CERKL: variants seen among roughly 807,000 people sequenced by gnomAD.
CERKL encodes ceramide kinase-like protein.
In CERKL, 61 loss-of-function variants were observed where a neutral mutation model predicts 63.4. That is an observed-to-expected ratio of 0.96 (90% CI 0.78 to 1.19). The LOEUF is 1.19. Among genes scored for constraint, CERKL ranks in the 50% most tolerant of loss-of-function variants. CERKL has a pLI of 0.00. For missense variants in CERKL, 675 were observed against 655.5 expected (o/e 1.03, Z -0.33); for synonymous variants, 250 against 230.5 (o/e 1.08, Z -0.77).
At chr2:181,588,847 A>G (rs924626406) in intron 2 of CERKL, among the ~76,000 whole-genome samples, 6 of 152,174 alleles carry the variant, frequency 3.9e-5, no homozygotes, top group Non-Finnish European at 5.9e-5. Flanking sequence ...AGTGATGCTG[A>G]GTATTTTTTC....
chr2:181,651,732 C>G, intron 1 of CERKL, among the ~76,000 whole-genome samples: 1 of 150,022 alleles, frequency 6.7e-6, no homozygotes, highest in South Asian at 2.1e-4. Context: ...GTCAAACTGT[C>G]CCTGTTTGCA....
chr2:181,617,971 A>C (rs1056332793), intron 1 of CERKL, among the ~76,000 whole-genome samples: 9 of 152,244 alleles, frequency 5.9e-5, no homozygotes, highest in African/African-American at 1.7e-4. Context: ...CTGGATGAAG[A>C]AGCATTCTGA....
intron 1 of CERKL, among the ~76,000 whole-genome samples, chr2:181,632,882 G>T (rs943276101): frequency 6.6e-6 from 1 of 152,036 alleles, no homozygotes; most frequent in Non-Finnish European, 1.5e-5. Flanking sequence ...TCCTACTCCA[G>T]TCCTACTCAT....
At position 181,548,734 on chromosome 2, in the gene CERKL, A is replaced by T. The variant is rs751908951; in HGVS notation, c.1019T>A (p.Met340Lys). The change falls in exon 7 of 13, where the codon ATG (methionine) becomes AAG (lysine). Residue 340 changes from methionine (M) to lysine (K), a missense_variant. Transcript: ENST00000410087. ...TLALAEKYRW[M>K]SPNQRRDFAV... ...AAAATCTCTCCGTTGGTTAGGGGAC[A>T]TCCATCGATATTTTTCTGCCAGAGC... is the stretch of plus-strand genomic sequence containing the variant. 1.9e-6 allele frequency: 3 copies of T among 1,613,954 alleles called. No homozygotes were observed. Among genetic ancestry groups the T allele is most frequent in the African/African-American group, 2.7e-5 (2 of 74,946 alleles).
At chr2:181,622,075 A>C (rs1686479724) in intron 1 of CERKL, among the ~76,000 whole-genome samples, 1 of 152,228 alleles carries the variant, frequency 6.6e-6, no homozygotes, top group Admixed American at 6.5e-5. Flanking sequence ...GAGGTGAAGC[A>C]GGGGAACTCT....
chr2:181,645,639 C>A (rs1056783962), intron 1 of CERKL, among the ~76,000 whole-genome samples: 3 of 152,228 alleles, frequency 2.0e-5, no homozygotes, highest in Admixed American at 1.3e-4. Context: ...GCCTAGTGGC[C>A]TCCTCTACAT....
chr2:181,572,120 GC>G (rs754427215), intron 3 of CERKL, among the ~76,000 whole-genome samples: 3 of 151,444 alleles, frequency 2.0e-5, no homozygotes, highest in Admixed American at 1.3e-4. Context: ...CTCTCTCTCC[GC>G]CCCCCCTCCC....
intron 1 of CERKL, among the ~76,000 whole-genome samples, chr2:181,630,177 A>C (rs1686892216): frequency 6.6e-6 from 1 of 151,982 alleles, no homozygotes; most frequent in African/African-American, 2.4e-5. Context: ...AGGTGGGACT[A>C]GAGGTGAACG....
At position 181,557,025 on chromosome 2, in the gene CERKL, G is replaced by A. The variant is rs372932840; in HGVS notation, c.820+1541C>T. ...ATGAGCATTTTTTCATGTGTCTTTTGGCTGCATAAATGTCTTCTTTTGAGA... is the reference window on the plus strand; with the variant it reads ...ATGAGCATTTTTTCATGTGTCTTTTAGCTGCATAAATGTCTTCTTTTGAGA... On this transcript the variant is annotated intron_variant, in intron 5 of 12. Coordinates refer to ENST00000410087, the MANE Select transcript of CERKL (RefSeq NM_201548.5). Among the ~76,000 whole-genome samples, 466 of 152,158 alleles carry A rather than the reference G, an allele frequency of 3.1e-3. 27 individuals carry two copies. The South Asian group carries it at 0.096, about 31-fold the overall frequency.
intron 1 of CERKL, among the ~76,000 whole-genome samples, chr2:181,633,695 C>T (rs1342710055): frequency 1.3e-5 from 2 of 152,158 alleles, no homozygotes; most frequent in Non-Finnish European, 2.9e-5. Context: ...TCAATTGTTG[C>T]TTTTCAGTCA....
chr2:181,630,696 C>T (rs1346722519), intron 1 of CERKL, among the ~76,000 whole-genome samples: 1 of 152,144 alleles, frequency 6.6e-6, no homozygotes, highest in Non-Finnish European at 1.5e-5. Flanking sequence ...GGACTTCTAG[C>T]CTCAAGAACT....
intron 1 of CERKL, among the ~76,000 whole-genome samples, chr2:181,608,893 C>A (rs773773797): frequency 1.3e-5 from 2 of 151,986 alleles, no homozygotes; most frequent in East Asian, 1.9e-4. Flanking sequence ...AAGCTGGCTA[C>A]AAATATGTCT....
chr2:181,612,534 C>T (rs572936310), intron 1 of CERKL, among the ~76,000 whole-genome samples: 2 of 152,004 alleles, frequency 1.3e-5, no homozygotes, highest in South Asian at 2.1e-4. Context: ...GTTTATTTTA[C>T]TCAACTTTAA....
intron 1 of CERKL, among the ~76,000 whole-genome samples, chr2:181,635,392 G>C (rs1306053420): frequency 6.6e-6 from 1 of 151,912 alleles, no homozygotes; most frequent in African/African-American, 2.4e-5. Context: ...TAAATCACAT[G>C]ACAAAAATGT....
chr2:181,580,371 C>G (rs1684452475), intron 2 of CERKL, among the ~76,000 whole-genome samples: 1 of 149,944 alleles, frequency 6.7e-6, no homozygotes, highest in Non-Finnish European at 1.5e-5. Flanking sequence ...GATTTCTATA[C>G]CTAGCCCTTT....
At chr2:181,653,719 A>T (rs1282810791) in intron 1 of CERKL, among the ~76,000 whole-genome samples, 1 of 152,198 alleles carries the variant, frequency 6.6e-6, no homozygotes. Flanking sequence ...TAGATAAGGC[A>T]GAGATTAGAA....
At chr2:181,578,227 C>T (rs1385367187) in intron 2 of CERKL, among the ~76,000 whole-genome samples, 1 of 149,232 alleles carries the variant, frequency 6.7e-6, no homozygotes, top group Non-Finnish European at 1.5e-5. Context: ...TATATACACA[C>T]ACACATATAT....
At chr2:181,627,455 C>T (rs1686761630) in intron 1 of CERKL, among the ~76,000 whole-genome samples, 1 of 152,196 alleles carries the variant, frequency 6.6e-6, no homozygotes, top group Non-Finnish European at 1.5e-5. Context: ...GATGCTGCTA[C>T]TCTTGCTGTT....
intron 6 of CERKL, 49 bp downstream of exon 6, chr2:181,549,584 TA>T: frequency 7.4e-7 from 1 of 1,357,248 alleles, no homozygotes; most frequent in Non-Finnish European, 1.1e-6. Context: ...CTTCCTTATA[TA>T]AATCAACATT....
Sources: gnomAD v4.1 joint callset for allele counts (sites outside exome capture counted in the v4.1 genomes callset) on GRCh38, gnomAD v4.1.1 for gene constraint, MANE v1.5 for transcripts, NCBI Gene and HGNC (gene_info 2026-07-23, HGNC 2026-07-21) for gene names.